RAB3C: variants seen among roughly 807,000 people sequenced by gnomAD.
The protein encoded by RAB3C is RAB3C, member RAS oncogene family.
In RAB3C, 17 loss-of-function variants were observed where a neutral mutation model predicts 26.4. The ratio of observed to expected loss-of-function variants is 0.64; its 90% CI spans 0.44 to 0.97. The LOEUF (loss-of-function observed/expected upper bound fraction) is 0.97, where lower values mean the gene tolerates loss of function less well. RAB3C is among the 50% of genes least tolerant of loss of function. The probability of loss-of-function intolerance (pLI) is 0.00; values close to 1 mark genes in which losing one functional copy is unlikely to be tolerated. For missense variants in RAB3C, 242 were observed against 281.9 expected, an observed-to-expected ratio of 0.86 and a Z score of 1.01; for synonymous variants, 91 against 95.9, an observed-to-expected ratio of 0.95 and a Z score of 0.30.
chr5:58,721,706 G>A (rs1309709247), intron 2 of RAB3C, among the ~76,000 whole-genome samples: 1 of 151,740 alleles, frequency 6.6e-6, no homozygotes, highest in African/African-American at 2.4e-5. Context: ...CCAAAACAAA[G>A]TCAGCTTGGT....
At chr5:58,667,514 C>G (rs1441770712) in intron 2 of RAB3C, among the ~76,000 whole-genome samples, 1 of 152,066 alleles carries the variant, frequency 6.6e-6, no homozygotes, top group African/African-American at 2.4e-5. Context: ...GGCTGCCTAC[C>G]CCAGACTCCT....
rs1267961972 is a variant in RAB3C at position 58,655,223 on chromosome 5, A to G, written c.252+37353A>G. ...GATACAAAACCTCAGGGAATACTTT[A>G]GTCAAGTTTTCTTCCTGTGGCACCA... On this transcript the variant is annotated intron_variant, in intron 2 of 4. Transcript: ENST00000282878. Among the ~76,000 whole-genome samples the G allele has an allele frequency of 2.0e-5, 3 of 152,192 alleles. No individual in the cohort carries two copies. The East Asian group carries it at 5.8e-4, about 29-fold the overall frequency.
intron 2 of RAB3C, among the ~76,000 whole-genome samples, chr5:58,653,863 C>T (rs1747708885): frequency 6.6e-6 from 1 of 152,166 alleles, no homozygotes; most frequent in South Asian, 2.1e-4. Flanking sequence ...AAACAATTAT[C>T]ATCAAGTTTT....
intron 1 of RAB3C, among the ~76,000 whole-genome samples, chr5:58,596,245 T>C (rs144798724): frequency 8.5e-5 from 13 of 152,056 alleles, no homozygotes; most frequent in African/African-American, 3.1e-4. Flanking sequence ...CCAAGGCCTT[T>C]CCAGGTTCTG....
intron 3 of RAB3C, among the ~76,000 whole-genome samples, chr5:58,812,186 AG>A (rs1224079398): frequency 6.6e-6 from 1 of 152,160 alleles, no homozygotes; most frequent in Non-Finnish European, 1.5e-5. Context: ...AAAAAGAAAG[AG>A]ATGGGGGCTG....
At chr5:58,782,575 A>G (rs781626862) in intron 3 of RAB3C, among the ~76,000 whole-genome samples, 2 of 152,128 alleles carry the variant, frequency 1.3e-5, no homozygotes, top group Non-Finnish European at 2.9e-5. Flanking sequence ...CTTTTTAGTG[A>G]CTGCTAATGA....
intron 2 of RAB3C, among the ~76,000 whole-genome samples, chr5:58,668,860 T>C (rs1207628424): frequency 6.6e-6 from 1 of 152,114 alleles, no homozygotes; most frequent in African/African-American, 2.4e-5. Context: ...TACCATAGAC[T>C]GGGTGGCTTA....
chr5:58,808,813 C>A (rs1273451483), intron 3 of RAB3C, among the ~76,000 whole-genome samples: 1 of 152,174 alleles, frequency 6.6e-6, no homozygotes, highest in African/African-American at 2.4e-5. Flanking sequence ...AATAACATGT[C>A]TAGCCATAAC....
chr5:58,638,737 T>G (rs1747343784), intron 2 of RAB3C, among the ~76,000 whole-genome samples: 1 of 152,208 alleles, frequency 6.6e-6, no homozygotes, highest in African/African-American at 2.4e-5. Flanking sequence ...GTATGCAAGC[T>G]GTATATGGAT....
At chr5:58,824,942 T>C in intron 3 of RAB3C, 96 bp from the exon 4 acceptor site, 1 of 861,096 alleles carries the variant, frequency 1.2e-6, no homozygotes, top group Non-Finnish European at 1.8e-6. Flanking sequence ...TTTTTCCTTT[T>C]GCTACCATCA....
chr5:58,677,379 CT>C (rs1748251098), intron 2 of RAB3C, among the ~76,000 whole-genome samples: 2 of 152,112 alleles, frequency 1.3e-5, no homozygotes, highest in African/African-American at 2.4e-5. Flanking sequence ...TCCTGGCTTT[CT>C]TATAAGTCTT....
intron 3 of RAB3C, among the ~76,000 whole-genome samples, chr5:58,777,849 G>GT (rs1742183304): frequency 6.6e-6 from 1 of 151,570 alleles, no homozygotes; most frequent in Non-Finnish European, 1.5e-5. Context: ...GTGGTGTTTG[G>GT]TTTTTTGTCC....
intron 2 of RAB3C, among the ~76,000 whole-genome samples, chr5:58,664,809 C>T (rs1747972043): frequency 6.6e-6 from 1 of 152,070 alleles, no homozygotes; most frequent in African/African-American, 2.4e-5. Flanking sequence ...TCAATGTTGC[C>T]TAATAGGACT....
intron 1 of RAB3C, among the ~76,000 whole-genome samples, chr5:58,600,269 A>G (rs1746421505): frequency 2.6e-5 from 4 of 152,178 alleles, no homozygotes. Flanking sequence ...GAAATCAGGT[A>G]GTATGATGCC....
chr5:58,802,484 C>T (rs1742832960), intron 3 of RAB3C, among the ~76,000 whole-genome samples: 1 of 152,186 alleles, frequency 6.6e-6, no homozygotes, highest in South Asian at 2.1e-4. Flanking sequence ...TACCTAACGG[C>T]CACGGCTGCT....
chr5:58,833,197 C>T (rs1175237330), intron 4 of RAB3C, among the ~76,000 whole-genome samples: 2 of 151,936 alleles, frequency 1.3e-5, no homozygotes, highest in East Asian at 3.9e-4. Flanking sequence ...GGACAGGAAG[C>T]AGAGATTCCA....
chr5:58,595,422 A>G (rs1366928835), intron 1 of RAB3C, among the ~76,000 whole-genome samples: 2 of 152,090 alleles, frequency 1.3e-5, no homozygotes, highest in Non-Finnish European at 2.9e-5. Context: ...TCTGGTGAAG[A>G]CAGCAGCTGG....
intron 3 of RAB3C, among the ~76,000 whole-genome samples, chr5:58,768,585 TG>T (rs1443497957): frequency 6.6e-6 from 1 of 151,912 alleles, no homozygotes; most frequent in African/African-American, 2.4e-5. Flanking sequence ...ATCTGGGAAG[TG>T]ACACTTGAGC....
At chr5:58,725,962 C>A in intron 2 of RAB3C, 40 bp from the exon 3 acceptor site, 1 of 1,217,286 alleles carries the variant, frequency 8.2e-7, no homozygotes, top group South Asian at 1.5e-5. Flanking sequence ...AATGTATTGC[C>A]TTATTTCTGA....
Sources: allele counts gnomAD v4.1 joint callset (sites outside exome capture counted in the v4.1 genomes callset), GRCh38; gene constraint gnomAD v4.1.1; transcripts MANE v1.5; gene names NCBI Gene and HGNC (gene_info 2026-07-23, HGNC 2026-07-21).